Variants in PDE3B observed in about 807,000 individuals in gnomAD.
PDE3B encodes the protein cGMP-inhibited 3',5'-cyclic phosphodiesterase 3B.
PDE3B carries 66 observed loss-of-function variants against 116.8 expected under a neutral mutation model. The ratio of observed to expected loss-of-function variants is 0.56; its 90% CI spans 0.46 to 0.69. The LOEUF (loss-of-function observed/expected upper bound fraction) is 0.69, where lower values mean the gene tolerates loss of function less well. Among genes scored for constraint, PDE3B ranks in the 30% least tolerant of loss-of-function variants. The pLI, the probability that PDE3B is intolerant of heterozygous loss-of-function variation, is 0.00. For missense variants in PDE3B, 1,384 were observed against 1,368.1 expected, an observed-to-expected ratio of 1.01 and a Z score of -0.18; for synonymous variants, 595 against 533.6, an observed-to-expected ratio of 1.12 and a Z score of -1.59.
chr11:14,649,443 C>A (rs1340832383), intron 1 of PDE3B, among the ~76,000 whole-genome samples: 1 of 152,100 alleles, frequency 6.6e-6, no homozygotes, highest in Non-Finnish European at 1.5e-5. Flanking sequence ...GAGGGTTATT[C>A]TGTGAGATAT....
At chr11:14,697,120 T>C (rs1240893880) in intron 1 of PDE3B, among the ~76,000 whole-genome samples, 1 of 151,994 alleles carries the variant, frequency 6.6e-6, no homozygotes, top group Non-Finnish European at 1.5e-5. Context: ...TTTATTTTTA[T>C]AGAGGTAGGG....
the PDE3B span, chr11:14,878,345 A>G: frequency 6.4e-7 from 1 of 1,562,472 alleles, no homozygotes; most frequent in Non-Finnish European, 8.8e-7. Flanking sequence ...CACAATCTTT[A>G]CCAAAATTAA....
chr11:14,815,410 G>A (rs1240017813), intron 5 of PDE3B, among the ~76,000 whole-genome samples: 1 of 152,232 alleles, frequency 6.6e-6, no homozygotes, highest in East Asian at 1.9e-4. Flanking sequence ...CGGCTGCCAA[G>A]CTCATTCAGG....
chr11:14,786,803 T>G (rs1267292666), intron 3 of PDE3B, 118 bp downstream of exon 3: 3 of 754,026 alleles, frequency 4.0e-6, no homozygotes, highest in Non-Finnish European at 6.5e-6. Flanking sequence ...GACATAATAT[T>G]GAGCTGCTTG....
intron 1 of PDE3B, among the ~76,000 whole-genome samples, chr11:14,692,795 A>G (rs1032414148): frequency 6.6e-6 from 1 of 152,146 alleles, no homozygotes; most frequent in Admixed American, 6.6e-5. Flanking sequence ...TGGGCCGATT[A>G]ATAATCCTAC....
chr11:14,701,568 T>A (rs2133817896), intron 1 of PDE3B, among the ~76,000 whole-genome samples: 1 of 151,810 alleles, frequency 6.6e-6, no homozygotes, highest in African/African-American at 2.4e-5. Context: ...TCCCCATTTC[T>A]TAAGGTATTT....
chr11:14,715,529 ATGGCAGTTCACTCATGATT>A (rs1855851552), intron 1 of PDE3B, among the ~76,000 whole-genome samples: 1 of 152,122 alleles, frequency 6.6e-6, no homozygotes, highest in South Asian at 2.1e-4. Flanking sequence ...GCAATTGTGA[ATGGCAGTTCACTCATGATT>A]TGGCTCTCTG....
intron 5 of PDE3B, among the ~76,000 whole-genome samples, chr11:14,812,027 TAAG>T (rs1480255546): frequency 6.6e-6 from 1 of 152,168 alleles, no homozygotes; most frequent in African/African-American, 2.4e-5. Flanking sequence ...CTTATCAGCT[TAAG>T]GAGATTTTGG....
At chr11:14,849,815 A>C (rs900613156) in intron 12 of PDE3B, among the ~76,000 whole-genome samples, 1 of 152,038 alleles carries the variant, frequency 6.6e-6, no homozygotes, top group Non-Finnish European at 1.5e-5. Context: ...TTAGAATGGC[A>C]ATCATTAAAA....
chr11:14,681,252 T>C (rs1285503495), intron 1 of PDE3B, among the ~76,000 whole-genome samples: 1 of 152,204 alleles, frequency 6.6e-6, no homozygotes, highest in African/African-American at 2.4e-5. Flanking sequence ...GCATACTGAA[T>C]GTATATTGCT....
intron 12 of PDE3B, among the ~76,000 whole-genome samples, chr11:14,851,945 G>A (rs1441237864): frequency 6.6e-6 from 1 of 152,226 alleles, no homozygotes; most frequent in Non-Finnish European, 1.5e-5. Flanking sequence ...ATATGATTAA[G>A]GAGGTAACAT....
intron 1 of PDE3B, among the ~76,000 whole-genome samples, chr11:14,725,174 G>A (rs899813447): frequency 6.6e-6 from 1 of 151,982 alleles, no homozygotes; most frequent in Admixed American, 6.6e-5. Flanking sequence ...TGATTAATAG[G>A]GGCTGCTGCA....
intron 1 of PDE3B, among the ~76,000 whole-genome samples, chr11:14,718,782 GGAAATTTATAGCACTAAATGCCCACAAGA>G (rs1278277811): frequency 7.2e-6 from 1 of 138,110 alleles, no homozygotes; most frequent in Non-Finnish European, 1.6e-5. Context: ...GTGTGTAGAG[GGAAATTTATAGCACTAAATGCCCACAAGA>G]GAAAGCAGGA....
intron 12 of PDE3B, among the ~76,000 whole-genome samples, chr11:14,851,101 G>C (rs1847740847): frequency 6.6e-6 from 1 of 151,868 alleles, no homozygotes; most frequent in Non-Finnish European, 1.5e-5. Context: ...GGGATTACAG[G>C]CGTGAGCCAC....
chr11:14,805,533 G>A (rs558410227), intron 5 of PDE3B, among the ~76,000 whole-genome samples: 10 of 152,298 alleles, frequency 6.6e-5, no homozygotes, highest in Non-Finnish European at 1.0e-4. Flanking sequence ...AAGTCATTAT[G>A]TTGTACACCT....
chr11:14,739,509 T>C (rs574231611), intron 1 of PDE3B, among the ~76,000 whole-genome samples: 89 of 152,258 alleles, frequency 5.8e-4, no homozygotes, highest in African/African-American at 2.1e-3. Context: ...TGGGCTGAGA[T>C]GATGGGTTTT....
At chr11:14,835,165 C>T in intron 11 of PDE3B, 70 bp downstream of exon 11, 1 of 950,308 alleles carries the variant, frequency 1.1e-6, no homozygotes, top group Non-Finnish European at 1.6e-6. Context: ...CATTTCATTA[C>T]CTCTGTTCTT....
intron 4 of PDE3B, among the ~76,000 whole-genome samples, chr11:14,799,901 G>C (rs942909695): frequency 4.0e-5 from 6 of 151,898 alleles, no homozygotes; most frequent in African/African-American, 4.8e-5. Context: ...TTGTCAGTCT[G>C]TGTATTTTAA....
At chr11:14,815,328 A>C (rs1464114177) in intron 5 of PDE3B, among the ~76,000 whole-genome samples, 47 of 152,118 alleles carry the variant, frequency 3.1e-4, no homozygotes, top group Non-Finnish European at 4.4e-5. Context: ...CCTCTGCTTG[A>C]GGTGTCATAA....
Sources: gnomAD v4.1 joint callset for allele counts (sites outside exome capture counted in the v4.1 genomes callset) on GRCh38, gnomAD v4.1.1 for gene constraint, MANE v1.5 for transcripts, NCBI Gene and HGNC (gene_info 2026-07-23, HGNC 2026-07-21) for gene names.